ADGRL2: variants seen among roughly 807,000 people sequenced by gnomAD.
The protein encoded by ADGRL2 is adhesion G protein-coupled receptor L2, also known as calcium-independent alpha-latrotoxin receptor 2.
ADGRL2 carries 44 observed loss-of-function variants against 157.4 expected under a neutral mutation model. The observed-to-expected ratio is 0.28, with a 90% CI of 0.22 to 0.36. The LOEUF (loss-of-function observed/expected upper bound fraction) is 0.36. Among genes scored for constraint, ADGRL2 ranks in the 10% least tolerant of loss-of-function variants. ADGRL2 has a pLI of 1.00. For missense variants in ADGRL2, 1,510 were observed against 1,768.9 expected, an observed-to-expected ratio of 0.85 and a Z score of 2.63; for synonymous variants, 585 against 624.7, an observed-to-expected ratio of 0.94 and a Z score of 0.95.
chr1:81,446,068 C>G (rs185470730), intron 2 of ADGRL2, among the ~76,000 whole-genome samples: 35 of 152,256 alleles, frequency 2.3e-4, no homozygotes, highest in African/African-American at 7.9e-4. Flanking sequence ...ATTAAGGGAA[C>G]CAAACTCTGA....
chr1:81,703,847 G>C (rs931377915), intron 1 of ADGRL2, among the ~76,000 whole-genome samples: 18 of 152,080 alleles, frequency 1.2e-4, no homozygotes, highest in Non-Finnish European at 1.9e-4. Context: ...AAAAGTAATG[G>C]GTTCTTTTGT....
chr1:81,698,729 C>A (rs1036481507), upstream of ADGRL2, among the ~76,000 whole-genome samples: 1 of 152,170 alleles, frequency 6.6e-6, no homozygotes, highest in African/African-American at 2.4e-5. Context: ...ACCTTTCCAT[C>A]TATTTAGCCC....
intron 2 of ADGRL2, among the ~76,000 whole-genome samples, chr1:81,897,975 G>A (rs1275495453): frequency 2.6e-5 from 4 of 152,102 alleles, no homozygotes; most frequent in African/African-American, 9.7e-5. Flanking sequence ...GCATGAGCCT[G>A]CAGTCCTAAC....
intron 1 of ADGRL2, among the ~76,000 whole-genome samples, chr1:81,360,736 G>A (rs190423057): frequency 0.028 from 4,227 of 151,574 alleles, 84 homozygotes; most frequent in Non-Finnish European, 0.042. Context: ...AAGGAAAGAA[G>A]GAAGGAGGGA....
chr1:81,740,450 T>C (rs1316977182), intron 1 of ADGRL2, among the ~76,000 whole-genome samples: 1 of 151,420 alleles, frequency 6.6e-6, no homozygotes, highest in Non-Finnish European at 1.5e-5. Context: ...CTTAAAACCA[T>C]TTTTTTACTT....
chr1:81,656,492 A>G (rs567907726), intron 3 of ADGRL2, among the ~76,000 whole-genome samples: 14 of 152,288 alleles, frequency 9.2e-5, no homozygotes, highest in African/African-American at 3.4e-4. Context: ...ATCTTCCTGA[A>G]TCTTGCCTTT....
chr1:81,975,072 TAC>T (rs1369740028), intron 17 of ADGRL2, among the ~76,000 whole-genome samples: 1 of 151,932 alleles, frequency 6.6e-6, no homozygotes. Context: ...TATTTACCTG[TAC>T]ACACACACCT....
At chr1:81,427,525 G>A (rs1300258497) in intron 1 of ADGRL2, 2 of 749,582 alleles carry the variant, frequency 2.7e-6, no homozygotes, top group East Asian at 4.9e-5. Flanking sequence ...CATGTAAGGG[G>A]GCAGTTTTGG....
chr1:81,957,847 G>A (rs1654070381), intron 11 of ADGRL2, among the ~76,000 whole-genome samples: 1 of 151,790 alleles, frequency 6.6e-6, no homozygotes, highest in African/African-American at 2.4e-5. Context: ...TCTAAATGCT[G>A]ATTACCCAAG....
At chr1:81,387,494 C>T (rs932326216) in intron 1 of ADGRL2, among the ~76,000 whole-genome samples, 6 of 152,066 alleles carry the variant, frequency 3.9e-5, no homozygotes, top group Admixed American at 6.6e-5. Flanking sequence ...TGTTCACATG[C>T]TTTAAATACT....
rs180845004 is a variant in ADGRL2 at position 81,791,413 on chromosome 1, T to C, written c.-101+29561T>C. 5.3e-5 allele frequency among the ~76,000 whole-genome samples: 8 copies of C among 152,150 alleles called. No individual in the cohort carries two copies. The East Asian group carries it at 1.5e-3, about 29-fold the overall frequency. On this transcript the variant is annotated intron_variant, in intron 2 of 20. Transcript: ENST00000359929. ...GATAAAAGTGAGAGGACTGAAGAAG[T>C]TGGAGGCTCAAAGTTTACTGCATGC...
At chr1:81,916,025 C>T (rs780748943) in intron 3 of ADGRL2, among the ~76,000 whole-genome samples, 2 of 152,048 alleles carry the variant, frequency 1.3e-5, no homozygotes, top group Admixed American at 6.6e-5. Flanking sequence ...ACTAAAACAT[C>T]GGTTTCTATT....
intron 17 of ADGRL2, among the ~76,000 whole-genome samples, chr1:81,979,052 AG>A (rs1660937329): frequency 6.6e-6 from 1 of 151,770 alleles, no homozygotes; most frequent in Non-Finnish European, 1.5e-5. Context: ...AGGTGTCTGT[AG>A]AAACAAATGC....
At chr1:81,691,565 C>G (rs2148991933) in intron 3 of ADGRL2, among the ~76,000 whole-genome samples, 1 of 151,948 alleles carries the variant, frequency 6.6e-6, no homozygotes, top group East Asian at 1.9e-4. Flanking sequence ...ATGGCACGAT[C>G]TCGGCTCACT....
At chr1:81,858,467 G>A (rs559567075) in intron 2 of ADGRL2, among the ~76,000 whole-genome samples, 8 of 152,216 alleles carry the variant, frequency 5.3e-5, no homozygotes, top group African/African-American at 9.6e-5. Flanking sequence ...TCATTTTACC[G>A]TTCCTGTAAA....
At chr1:81,462,066 C>G (rs1423714445) in intron 2 of ADGRL2, among the ~76,000 whole-genome samples, 1 of 151,924 alleles carries the variant, frequency 6.6e-6, no homozygotes, top group Non-Finnish European at 1.5e-5. Flanking sequence ...ATTGTAAATA[C>G]AACAATCAGT....
At chr1:81,720,470 C>A (rs1260895003) in intron 1 of ADGRL2, among the ~76,000 whole-genome samples, 1 of 151,986 alleles carries the variant, frequency 6.6e-6, no homozygotes, top group Non-Finnish European at 1.5e-5. Context: ...CTGCGCCCGG[C>A]CAAAGCATTC....
At chr1:81,552,605 G>GAAA (rs35795177) in intron 2 of ADGRL2, among the ~76,000 whole-genome samples, 2,266 of 103,928 alleles carry the variant, frequency 0.022, 69 homozygotes, top group African/African-American at 0.074. Flanking sequence ...ACTTTACTTA[G>GAAA]AAAAAAAAAA....
chr1:81,610,066 C>T (rs1031192880), intron 3 of ADGRL2, among the ~76,000 whole-genome samples: 1 of 152,158 alleles, frequency 6.6e-6, no homozygotes, highest in African/African-American at 2.4e-5. Flanking sequence ...TCCCACCTGC[C>T]TCTTGGGGAG....
Sources: gnomAD v4.1 joint callset for allele counts (sites outside exome capture counted in the v4.1 genomes callset) on GRCh38, gnomAD v4.1.1 for gene constraint, MANE v1.5 for transcripts, NCBI Gene and HGNC (gene_info 2026-07-23, HGNC 2026-07-21) for gene names.